The following ALPK3 variants were observed in gnomAD, a reference collection of about 807,000 sequenced individuals.
ALPK3 encodes alpha-protein kinase 3.
In ALPK3, 102 loss-of-function variants were observed where a neutral mutation model predicts 140.0. The ratio of observed to expected loss-of-function variants is 0.73; its 90% CI spans 0.62 to 0.86. The LOEUF (loss-of-function observed/expected upper bound fraction) is 0.86. Among genes scored for constraint, ALPK3 ranks in the 40% least tolerant of loss-of-function variants. The probability of loss-of-function intolerance (pLI) is 0.00; values close to 1 mark genes in which losing one functional copy is unlikely to be tolerated. For synonymous variants in ALPK3, 938 were observed against 898.5 expected (o/e 1.04, Z -0.79); for missense variants, 2,254 against 2,208.2 (o/e 1.02, Z -0.42).
intron 10 of ALPK3, among the ~76,000 whole-genome samples, chr15:84,863,180 T>C (rs956845117): frequency 6.6e-6 from 1 of 152,006 alleles, no homozygotes; most frequent in Non-Finnish European, 1.5e-5. Context: ...CCCTGCCCCA[T>C]ACATAATCTC....
chr15:84,822,369 G>T (rs1963436845), intron 1 of ALPK3, among the ~76,000 whole-genome samples: 1 of 152,102 alleles, frequency 6.6e-6, no homozygotes, highest in Non-Finnish European at 1.5e-5. Flanking sequence ...GGATGGGTTT[G>T]GTGTTGTGGT....
intron 3 of ALPK3, among the ~76,000 whole-genome samples, chr15:84,835,813 T>C (rs771216033): frequency 3.9e-5 from 6 of 152,226 alleles, no homozygotes; most frequent in Non-Finnish European, 7.3e-5. Context: ...TGCTCCCTTC[T>C]CTGCAGCCCT....
At chr15:84,830,632 G>C (rs1324418601) in intron 3 of ALPK3, among the ~76,000 whole-genome samples, 4 of 152,152 alleles carry the variant, frequency 2.6e-5, no homozygotes, top group Admixed American at 6.5e-5. Flanking sequence ...CAGCTTTCTA[G>C]AAAGAGTACA....
Position 84,867,346 on chromosome 15 carries a change from A to T in ALPK3, c.4753A>T (p.Ile1585Phe), listed in dbSNP as rs2141575665. The change falls in exon 13 of 14, where the codon ATT becomes TTT. Residue 1585 changes from isoleucine (I) to phenylalanine (F), a missense_variant. This residue lies in a region of ALPK3 where 158 missense variants were observed against 159.8 expected (regional missense o/e 0.99). Coordinates refer to ENST00000258888, the MANE Select transcript of ALPK3 (RefSeq NM_020778.5). ...GVDWKMTDVQ[I>F]ATKLRGYQGL... ...TGACTGGAAGATGACTGATGTGCAG[A>T]TTGCTACCAAACTCCGAGGGTGAGT... 6.2e-7 allele frequency: 1 copy of T among 1,613,954 alleles called. No homozygotes were observed. The highest frequency in any genetic ancestry group is 8.5e-7 in the Non-Finnish European group (1 of 1,179,964).
At position 84,857,907 on chromosome 15, in the gene ALPK3, G is replaced by T. The variant is rs769870094; in HGVS notation, c.3169G>T (p.Ala1057Ser). Reference protein sequence around the residue: ...EVQAGRQALAAARGSWGPGPS... With the variant: ...EVQAGRQALASARGSWGPGPS... The stretch of plus-strand genomic sequence containing the variant: ...GCAGGCTGGCCGCCAGGCCCTTGCT[G>T]CTGCCCGAGGCTCCTGGGGTCCTGG... Residue 1057 changes from alanine to serine, a missense_variant, in exon 6 of 14, where the codon GCT becomes TCT. Physicochemically the swap from Ala to Ser is moderately conservative, Grantham distance 99. Around this residue, in one of 3 missense-constraint regions of ALPK3, gnomAD observed 2,088 missense variants for 2,022.9 expected, o/e 1.03. Coordinates refer to ENST00000258888, the MANE Select transcript of ALPK3 (RefSeq NM_020778.5). 1 of 1,611,398 alleles carries T rather than the reference G, an allele frequency of 6.2e-7. No homozygotes were observed. Among genetic ancestry groups the T allele is most frequent in the Non-Finnish European group, 8.5e-7 (1 of 1,179,212 alleles).
chr15:84,864,037 G>C (rs550084969), intron 11 of ALPK3, among the ~76,000 whole-genome samples: 1 of 152,272 alleles, frequency 6.6e-6, no homozygotes, highest in East Asian at 1.9e-4. Flanking sequence ...GCTATAAATG[G>C]CAATTGTTTG....
intron 5 of ALPK3, chr15:84,852,737 T>C (rs1596153748): frequency 5.8e-6 from 1 of 171,184 alleles, no homozygotes; most frequent in East Asian, 1.6e-4. Context: ...TACTGTGTGA[T>C]TAAACTTTTT....
Position 84,859,231 on chromosome 15 carries a change from C to G in ALPK3, c.3818-12C>G, listed in dbSNP as rs1963908337. 13 of 1,613,772 alleles carry G rather than the reference C, an allele frequency of 8.1e-6. No homozygotes were observed. The highest frequency in any genetic ancestry group is 1.1e-5 in the Non-Finnish European group (13 of 1,179,876). ...AGGTGGTGTTCCCCTCTTGACTGGGCCCTGCTCTCAGCCCCACAGGTGATC... is the reference window on the plus strand; with the variant it reads ...AGGTGGTGTTCCCCTCTTGACTGGGGCCTGCTCTCAGCCCCACAGGTGATC... On this transcript the variant is annotated splice_polypyrimidine_tract_variant and intron_variant, in intron 6 of 13. Coordinates refer to ENST00000258888, the MANE Select transcript of ALPK3 (RefSeq NM_020778.5).
chr15:84,861,858 T>C (rs1596157609), intron 9 of ALPK3, among the ~76,000 whole-genome samples: 1 of 152,334 alleles, frequency 6.6e-6, no homozygotes, highest in East Asian at 1.9e-4. Flanking sequence ...TGGATTCTTT[T>C]TTTTGTTGTT....
chr15:84,827,587 T>C lies in ALPK3; in HGVS notation c.286T>C (p.Phe96Leu). 2 of 1,614,134 alleles carry C rather than the reference T, an allele frequency of 1.2e-6. No individual in the cohort carries two copies. The highest frequency in any genetic ancestry group is 2.2e-5 in the South Asian group (2 of 91,076). Residue 96 changes from phenylalanine (F) to leucine (L), a missense_variant, in exon 3 of 14, where the codon TTC (phenylalanine) becomes CTC (leucine). Transcript: ENST00000258888. ...RSVSEDSDVR[F>L]TCIVTGYPEP... ...TGTGTCCGAGGACAGCGACGTCAGG[T>C]TCACCTGCATCGTCACAGGTAAGGA...
At position 84,840,851 on chromosome 15, in the gene ALPK3, G is replaced by A; in HGVS notation, c.1572G>A (p.Val524=). The change falls in exon 5 of 14, where the codon GTG becomes GTA. Residue 524 remains valine, a synonymous_variant. Transcript: ENST00000258888. ...GKAPPQASVQ[V]PTPPARRRHG... ...CCCCACCTCAGGCCTCTGTGCAGGT[G>A]CCGACGCCCCCTGCCCGGCGGAGAC... is the stretch of plus-strand genomic sequence containing the variant. The A allele has an allele frequency of 1.9e-6, 3 of 1,614,146 alleles. No individual in the cohort carries two copies. In the East Asian group the frequency reaches 6.7e-5, roughly 36 times the overall value.
At chr15:84,846,920 C>T (rs937409282) in intron 5 of ALPK3, among the ~76,000 whole-genome samples, 23 of 152,082 alleles carry the variant, frequency 1.5e-4, no homozygotes, top group African/African-American at 5.5e-4. Flanking sequence ...AGACGTGTGC[C>T]GCTACACTTG....
At chr15:84,838,822 A>G (rs532328261) in intron 3 of ALPK3, among the ~76,000 whole-genome samples, 158 bp from the exon 4 acceptor site, 1 of 152,098 alleles carries the variant, frequency 6.6e-6, no homozygotes, top group East Asian at 1.9e-4. Context: ...GGGTTTTACC[A>G]TGTTGACCAG....
At chr15:84,819,077 A>G (rs145002152) in intron 1 of ALPK3, among the ~76,000 whole-genome samples, 3 of 152,304 alleles carry the variant, frequency 2.0e-5, no homozygotes, top group Admixed American at 1.3e-4. Context: ...AAAACCAGGC[A>G]GAATGGGGAG....
At position 84,839,779 on chromosome 15, in the gene ALPK3, T is replaced by C. The variant is rs1182422272; in HGVS notation, c.500T>C (p.Leu167Pro). 2 of 1,614,080 alleles carry C rather than the reference T, an allele frequency of 1.2e-6. No individual in the cohort carries two copies. The highest frequency in any genetic ancestry group is 3.3e-5 in the Admixed American group (2 of 60,024). The change falls in exon 5 of 14, where the codon CTG (leucine) becomes CCG (proline). Residue 167 changes from leucine (L) to proline (P), a missense_variant. By Grantham distance (98) the Leu-to-Pro change is moderately conservative (BLOSUM62 -3). Coordinates refer to ENST00000258888, the MANE Select transcript of ALPK3 (RefSeq NM_020778.5). ...SKGIVSCSGV[L>P]EVGTMTEYKI... is the part of the protein sequence containing the mutation. Reference sequence around the variant, plus strand: ...GGCATTGTGTCCTGCTCAGGGGTCCTGGAGGTGGGCACCATGACTGAGTAC... The same window carrying C: ...GGCATTGTGTCCTGCTCAGGGGTCCCGGAGGTGGGCACCATGACTGAGTAC...
intron 1 of ALPK3, among the ~76,000 whole-genome samples, chr15:84,819,808 T>C (rs1963402954): frequency 6.6e-6 from 1 of 152,212 alleles, no homozygotes; most frequent in Non-Finnish European, 1.5e-5. Flanking sequence ...CCAGGCATCA[T>C]TCTCATGGAC....
chr15:84,830,904 T>G (rs1963539597), intron 3 of ALPK3, among the ~76,000 whole-genome samples: 1 of 151,970 alleles, frequency 6.6e-6, no homozygotes, highest in South Asian at 2.1e-4. Flanking sequence ...TGATAGAGAC[T>G]AAGTCCTACT....
chr15:84,863,390 G>A, intron 10 of ALPK3, 162 bp from the exon 11 acceptor site: 1 of 612,790 alleles, frequency 1.6e-6, no homozygotes, highest in Non-Finnish European at 2.9e-6. Flanking sequence ...AGGAAAATGA[G>A]ATGCAGAGTG....
At chr15:84,848,520 A>T (rs1036014762) in intron 5 of ALPK3, among the ~76,000 whole-genome samples, 1 of 152,196 alleles carries the variant, frequency 6.6e-6, no homozygotes, top group Non-Finnish European at 1.5e-5. Context: ...AAGATGTTCT[A>T]ATCTAAAAGG....
Sources: gnomAD v4.1 joint callset for allele counts (sites outside exome capture counted in the v4.1 genomes callset) on GRCh38, gnomAD v4.1.1 for gene constraint, gnomAD v4.1.1 regional missense constraint, MANE v1.5 for transcripts, NCBI Gene and HGNC (gene_info 2026-07-23, HGNC 2026-07-21) for gene names.